The following ZNF98 variants were observed in gnomAD, a reference collection of about 807,000 sequenced individuals.
The protein encoded by ZNF98 is zinc finger protein 739.
A neutral mutation model predicts 12.8 loss-of-function variants in ZNF98; 8 were observed. The observed-to-expected ratio is 0.63, with a 90% CI of 0.37 to 1.13. The LOEUF is 1.13. ZNF98 is among the 50% of genes most tolerant of loss of function. The pLI is 0.01. For missense variants in ZNF98, 379 were observed against 666.1 expected, an observed-to-expected ratio of 0.57 and a Z score of 4.74; for synonymous variants, 112 against 223.5, an observed-to-expected ratio of 0.50 and a Z score of 4.45.
chr19:22,409,463 T>C (rs1012010166), intron 1 of ZNF98, among the ~76,000 whole-genome samples: 4 of 151,578 alleles, frequency 2.6e-5, no homozygotes, highest in African/African-American at 9.7e-5. Flanking sequence ...ACTAAAGAGA[T>C]TCTACACAGA....
intron 1 of ZNF98, among the ~76,000 whole-genome samples, chr19:22,416,721 C>T (rs749694115): frequency 6.6e-6 from 1 of 152,122 alleles, no homozygotes; most frequent in Non-Finnish European, 1.5e-5. Flanking sequence ...CACTGCACTC[C>T]AGCCTGGGAG....
chr19:22,415,999 C>G lies in ZNF98; in HGVS notation c.30+6196G>C, dbSNP rs757272994. Among the ~76,000 whole-genome samples the G allele has an allele frequency of 3.0e-5, 3 of 98,472 alleles. No individual in the cohort carries two copies. In the South Asian group the frequency reaches 1.1e-3, roughly 36 times the overall value. 64.6% of individuals were successfully genotyped at this position (98,472 alleles called of 152,430 possible). On this transcript the variant is annotated intron_variant, in intron 1 of 3. Coordinates refer to ENST00000357774, the MANE Select transcript of ZNF98 (RefSeq NM_001098626.2). ...CACACACACACACACACACACTTAG[C>G]TGGGCGTGGTGGCAGGTGCCTGTAG...
At chr19:22,412,497 A>AT (rs1337818688) in intron 1 of ZNF98, among the ~76,000 whole-genome samples, 3 of 152,200 alleles carry the variant, frequency 2.0e-5, no homozygotes, top group African/African-American at 4.8e-5. Flanking sequence ...ACCTGACATC[A>AT]TAAGTAAAAG....
intron 3 of ZNF98, among the ~76,000 whole-genome samples, chr19:22,397,208 G>GTTTTTT (rs1415754065): frequency 1.6e-5 from 1 of 63,972 alleles, no homozygotes; most frequent in African/African-American, 4.1e-5. Context: ...GTGTGTGTGT[G>GTTTTTT]TTTTTGTGTG....
chr19:22,392,746 A>G lies in ZNF98; in HGVS notation c.489T>C (p.Phe163=), dbSNP rs1969344600. Residue 163 remains phenylalanine (F), a synonymous_variant, in exon 4 of 4, where the codon TTT becomes TTC. Coordinates refer to ENST00000357774, the MANE Select transcript of ZNF98 (RefSeq NM_001098626.2). Reference sequence around the variant, plus strand: ...GTCTGTTTGAATTTGAAAATTTATGAAAGACTTTCACATATTTGTCATATT... The same window carrying G: ...GTCTGTTTGAATTTGAAAATTTATGGAAGACTTTCACATATTTGTCATATT... ...IFQYDKYVKV[F]HKFSNSNRHK... 4 of 1,608,248 alleles carry G rather than the reference A, an allele frequency of 2.5e-6. No homozygotes were observed. Among genetic ancestry groups the G allele is most frequent in the Middle Eastern group, 1.6e-4 (1 of 6,064 alleles).
At position 22,391,358 on chromosome 19, in the gene ZNF98, C is replaced by G; in HGVS notation, c.*158G>C. 2.2e-6 allele frequency: 3 copies of G among 1,395,304 alleles called. No individual in the cohort carries two copies. The highest frequency in any genetic ancestry group is 2.9e-6 in the Non-Finnish European group (3 of 1,051,666). 86.4% of individuals were successfully genotyped at this position (1,395,304 alleles called of 1,614,324 possible). ...CTTTCTTTATATTTGTACATTTGTT[C>G]TCATCAAGTATAAAGGCTTTCCTGT... On this transcript the variant is annotated 3_prime_UTR_variant, in exon 4 of 4. Transcript: ENST00000357774.
At position 22,422,184 on chromosome 19, in the gene ZNF98, G is replaced by A. The variant is rs373534072; in HGVS notation, c.30+11C>T. On this transcript the variant is annotated intron_variant, in intron 1 of 3. Coordinates refer to ENST00000357774, the MANE Select transcript of ZNF98 (RefSeq NM_001098626.2). ...TCTCCTCTCTAGGGATGTCGGACTC[G>A]GCACTCTCACCATTTCTAGGCTTCC... 1 of 1,612,898 alleles carries A rather than the reference G, an allele frequency of 6.2e-7. No homozygotes were observed. The highest frequency in any genetic ancestry group is 1.3e-5 in the African/African-American group (1 of 74,976).
rs772989058 is a variant in ZNF98 at position 22,391,088 on chromosome 19, A to G, written c.*428T>C. 18 of 157,132 alleles carry G rather than the reference A, an allele frequency of 1.1e-4. No homozygotes were observed. In the South Asian group the frequency reaches 2.9e-3, roughly 25 times the overall value. 9.7% of individuals were successfully genotyped at this position (157,132 alleles called of 1,614,324 possible). On this transcript the variant is annotated 3_prime_UTR_variant, in exon 4 of 4. Coordinates refer to ENST00000357774, the MANE Select transcript of ZNF98 (RefSeq NM_001098626.2). The stretch of plus-strand genomic sequence containing the variant: ...TGATATAAATTCTCTGATGTTGAAC[A>G]AAGTTTGAGCAATTGCCTCAGGGTT...
intron 3 of ZNF98, among the ~76,000 whole-genome samples, chr19:22,400,215 C>T (rs1969441129): frequency 6.6e-6 from 1 of 152,172 alleles, no homozygotes; most frequent in Admixed American, 6.5e-5. Context: ...AGCCACGCAG[C>T]AGGCCTGCAG....
chr19:22,399,195 T>C (rs1969430782), intron 3 of ZNF98, among the ~76,000 whole-genome samples: 2 of 152,214 alleles, frequency 1.3e-5, no homozygotes, highest in Admixed American at 1.3e-4. Context: ...TAACAAAGAA[T>C]TTGTGTAGAT....
At chr19:22,401,170 G>A (rs1969452387) in intron 3 of ZNF98, among the ~76,000 whole-genome samples, 2 of 147,922 alleles carry the variant, frequency 1.4e-5, no homozygotes, top group South Asian at 2.1e-4. Context: ...GTTGCTTTTT[G>A]TAGATCATTT....
At chr19:22,420,647 A>T (rs139939983) in intron 1 of ZNF98, among the ~76,000 whole-genome samples, 1 of 152,126 alleles carries the variant, frequency 6.6e-6, no homozygotes, top group African/African-American at 2.4e-5. Flanking sequence ...CTATGAAAGA[A>T]AACGACTTAG....
intron 1 of ZNF98, among the ~76,000 whole-genome samples, chr19:22,415,063 C>T (rs1372071018): frequency 6.6e-6 from 1 of 151,480 alleles, no homozygotes; most frequent in Non-Finnish European, 1.5e-5. Context: ...AAATGGTAGA[C>T]AAAAAACATG....
Position 22,391,356 on chromosome 19 carries a change from T to C in ZNF98, c.*160A>G. 10 of 1,388,220 alleles carry C rather than the reference T, an allele frequency of 7.2e-6. No homozygotes were observed. The highest frequency in any genetic ancestry group is 8.6e-6 in the Non-Finnish European group (9 of 1,044,910). The allele number at this position is 1,388,220 out of a possible 1,614,324, so 86.0% of individuals were successfully genotyped here. On this transcript the variant is annotated 3_prime_UTR_variant, in exon 4 of 4. Coordinates refer to ENST00000357774, the MANE Select transcript of ZNF98 (RefSeq NM_001098626.2). ...TACTTTCTTTATATTTGTACATTTG[T>C]TCTCATCAAGTATAAAGGCTTTCCT...
chr19:22,402,170 C>A (rs200222515), intron 3 of ZNF98, among the ~76,000 whole-genome samples: 5 of 95,764 alleles, frequency 5.2e-5, no homozygotes, highest in South Asian at 3.7e-4. Context: ...AGCAAGACTC[C>A]ATCTCAAAAA....
chr19:22,409,971 G>A (rs2145118613), intron 1 of ZNF98, among the ~76,000 whole-genome samples: 1 of 148,572 alleles, frequency 6.7e-6, no homozygotes, highest in African/African-American at 2.5e-5. Flanking sequence ...TTCTAAGAAG[G>A]CATTTATGCA....
intron 1 of ZNF98, among the ~76,000 whole-genome samples, chr19:22,408,654 C>T (rs1029995019): frequency 2.6e-5 from 4 of 152,040 alleles, no homozygotes; most frequent in Admixed American, 2.0e-4. Context: ...CAACAACAGA[C>T]CATCAGAGAG....
chr19:22,395,327 GA>G (rs952737908), intron 3 of ZNF98, among the ~76,000 whole-genome samples: 8 of 146,374 alleles, frequency 5.5e-5, no homozygotes, highest in Admixed American at 1.4e-4. Context: ...GACTATGTCA[GA>G]AAAAAAAAAC....
chr19:22,421,341 G>A (rs1352423934), intron 1 of ZNF98, among the ~76,000 whole-genome samples: 3 of 151,924 alleles, frequency 2.0e-5, no homozygotes, highest in African/African-American at 7.3e-5. Flanking sequence ...GCCAGAGTTA[G>A]GCTGCAGAAA....
Sources: gnomAD v4.1 joint callset for allele counts (sites outside exome capture counted in the v4.1 genomes callset) on GRCh38, gnomAD v4.1.1 for gene constraint, MANE v1.5 for transcripts, NCBI Gene and HGNC (gene_info 2026-07-23, HGNC 2026-07-21) for gene names.